Variants in SACS observed in about 807,000 individuals in gnomAD.
SACS encodes the protein sacsin.
A neutral mutation model predicts 348.0 loss-of-function variants in SACS; 197 were observed. The observed-to-expected ratio is 0.57, with a 90% CI of 0.50 to 0.64. The LOEUF (loss-of-function observed/expected upper bound fraction) is 0.64. SACS is among the 30% of genes least tolerant of loss of function. SACS has a pLI of 0.00. For synonymous variants in SACS, 1,985 were observed against 1,910.6 expected, an observed-to-expected ratio of 1.04 and a Z score of -1.02; for missense variants, 4,999 against 5,360.8, an observed-to-expected ratio of 0.93 and a Z score of 2.11.
At chr13:23,342,746 C>T (rs978494734) in intron 9 of SACS, among the ~76,000 whole-genome samples, 6 of 152,206 alleles carry the variant, frequency 3.9e-5, no homozygotes, top group African/African-American at 7.2e-5. Flanking sequence ...ATGAAGTCAG[C>T]GCACAGAGAC....
chr13:23,404,181 A>G (rs533098557), intron 2 of SACS, among the ~76,000 whole-genome samples: 47 of 152,256 alleles, frequency 3.1e-4, no homozygotes, highest in Non-Finnish European at 2.2e-4. Context: ...GGTCAATTTT[A>G]AGTGCGATGT....
chr13:23,432,307 GA>G (rs1363973233), intron 1 of SACS, among the ~76,000 whole-genome samples: 1 of 152,172 alleles, frequency 6.6e-6, no homozygotes, highest in Non-Finnish European at 1.5e-5. Flanking sequence ...AAGATTAAAG[GA>G]AAATAGGGTA....
chr13:23,361,124 T>C (rs1322871975), intron 6 of SACS, among the ~76,000 whole-genome samples: 1 of 152,100 alleles, frequency 6.6e-6, no homozygotes, highest in Non-Finnish European at 1.5e-5. Context: ...AGAGGAAACA[T>C]GGTGAAAATT....
In SACS at chr13:23,339,241, T is replaced by C; in HGVS notation, c.4635A>G (p.Leu1545=). 6.2e-7 allele frequency: 1 copy of C among 1,608,482 alleles called. No individual in the cohort carries two copies. Among genetic ancestry groups the C allele is most frequent in the African/African-American group, 1.3e-5 (1 of 74,762 alleles). ...CAACTTTGTCAACTTCTCCCCTTTT[T>C]AAAGATTCTCCTAACCTAGTTATGT... ...FVNITRLGES[L]KRGEVDKVGK... is the part of the protein sequence containing the mutation. Residue 1545 remains leucine (L), a synonymous_variant, in exon 10 of 10, where the codon TTA becomes TTG. Coordinates refer to ENST00000382292, the MANE Select transcript of SACS (RefSeq NM_014363.6).
chr13:23,386,924 C>T (rs904998664), intron 2 of SACS, among the ~76,000 whole-genome samples: 4 of 152,054 alleles, frequency 2.6e-5, no homozygotes, highest in Admixed American at 1.3e-4. Flanking sequence ...TACCGTTTAT[C>T]GATTAAGTTT....
At chr13:23,343,815 G>A (rs1321674296) in intron 9 of SACS, among the ~76,000 whole-genome samples, 3 of 152,144 alleles carry the variant, frequency 2.0e-5, no homozygotes, top group Admixed American at 6.5e-5. Context: ...AGAGGCCTAC[G>A]TATAAAAAAG....
intron 2 of SACS, among the ~76,000 whole-genome samples, chr13:23,400,699 C>T (rs1349181179): frequency 1.3e-5 from 2 of 152,174 alleles, no homozygotes; most frequent in Admixed American, 6.5e-5. Flanking sequence ...TGATTACAGG[C>T]GTGAGCCACC....
chr13:23,384,841 G>C (rs941621034), intron 2 of SACS, among the ~76,000 whole-genome samples: 2 of 152,200 alleles, frequency 1.3e-5, no homozygotes, highest in African/African-American at 4.8e-5. Context: ...TTCCAAACCA[G>C]TGCAATATAA....
At chr13:23,398,548 A>AG (rs1488530194) in intron 2 of SACS, among the ~76,000 whole-genome samples, 7 of 151,784 alleles carry the variant, frequency 4.6e-5, no homozygotes, top group Non-Finnish European at 7.4e-5. Flanking sequence ...AAAAAAAAAA[A>AG]AAAGAAATAC....
At chr13:23,406,291 ACAC>A (rs1172111185) in intron 2 of SACS, among the ~76,000 whole-genome samples, 1 of 151,932 alleles carries the variant, frequency 6.6e-6, no homozygotes, top group Non-Finnish European at 1.5e-5. Context: ...AGAAAACCAA[ACAC>A]CACATGTTCT....
Position 23,336,009 on chromosome 13 carries a change from C to T in SACS, c.7867G>A (p.Gly2623Arg). The stretch of plus-strand genomic sequence containing the variant: ...TGATACACAGAATTGAATCCTATTC[C>T]ATACTGTCCAGTTTTATAAGGATTT... ...EGNPYKTGQY[G>R]IGFNSVYHIT... Residue 2623 changes from glycine (G) to arginine (R), a missense_variant, in exon 10 of 10, where the codon GGA becomes AGA. Physicochemically the swap from Gly to Arg is moderately radical, Grantham distance 125. Coordinates refer to ENST00000382292, the MANE Select transcript of SACS (RefSeq NM_014363.6). 6.2e-7 allele frequency: 1 copy of T among 1,613,002 alleles called. No homozygotes were observed. The highest frequency in any genetic ancestry group is 8.5e-7 in the Non-Finnish European group (1 of 1,179,086).
At chr13:23,380,475 A>G (rs947843162) in intron 2 of SACS, among the ~76,000 whole-genome samples, 1 of 152,168 alleles carries the variant, frequency 6.6e-6, no homozygotes, top group Non-Finnish European at 1.5e-5. Context: ...CCACAAAATC[A>G]TTCATTTTAA....
At chr13:23,415,252 G>A (rs774720102) in intron 1 of SACS, among the ~76,000 whole-genome samples, 5 of 152,028 alleles carry the variant, frequency 3.3e-5, no homozygotes, top group Non-Finnish European at 5.9e-5. Flanking sequence ...GGCTGCTCTC[G>A]AACTTCTCAC....
intron 2 of SACS, among the ~76,000 whole-genome samples, chr13:23,398,461 G>C (rs1872802161): frequency 6.7e-6 from 1 of 149,748 alleles, no homozygotes; most frequent in African/African-American, 2.5e-5. Context: ...TTGAACCAAG[G>C]AGGCAAAGGT....
Position 23,422,885 on chromosome 13 carries a change from A to G in SACS, c.-502+10730T>C, listed in dbSNP as rs1291840865. ...TGACATTTCAGACATTGTTAGGCCTATATATGAACATATGAATATCCAGAC... is the reference window on the plus strand; with the variant it reads ...TGACATTTCAGACATTGTTAGGCCTGTATATGAACATATGAATATCCAGAC... On this transcript the variant is annotated intron_variant, in intron 1 of 9. Coordinates refer to ENST00000382292, the MANE Select transcript of SACS (RefSeq NM_014363.6). Among the ~76,000 whole-genome samples, 4 of 152,168 alleles carry G rather than the reference A, an allele frequency of 2.6e-5. No homozygotes were observed. The East Asian group carries it at 7.7e-4, about 29-fold the overall frequency.
intron 2 of SACS, among the ~76,000 whole-genome samples, chr13:23,388,330 T>C (rs1593167877): frequency 7.9e-6 from 1 of 125,946 alleles, no homozygotes; most frequent in African/African-American, 2.9e-5. Flanking sequence ...CGAGACTTTG[T>C]CTCAAAAAAA....
At chr13:23,402,175 C>T (rs1242547950) in intron 2 of SACS, among the ~76,000 whole-genome samples, 1 of 142,322 alleles carries the variant, frequency 7.0e-6, no homozygotes, top group Non-Finnish European at 1.5e-5. Flanking sequence ...GAGACTCCAT[C>T]TCGAAAAAAA....
At chr13:23,429,610 A>T (rs187836414) in intron 1 of SACS, among the ~76,000 whole-genome samples, 1,688 of 151,630 alleles carry the variant, frequency 0.011, 36 homozygotes, top group African/African-American at 0.038. Flanking sequence ...TGATCTGCCC[A>T]CCTGGCCCTC....
intron 9 of SACS, among the ~76,000 whole-genome samples, chr13:23,353,149 TC>T (rs1257850715): frequency 6.6e-6 from 1 of 152,132 alleles, no homozygotes; most frequent in East Asian, 1.9e-4. Context: ...TTGACTGTTT[TC>T]CCAAAATTAC....
Sources: allele counts gnomAD v4.1 joint callset (sites outside exome capture counted in the v4.1 genomes callset), GRCh38; gene constraint gnomAD v4.1.1; transcripts MANE v1.5; gene names NCBI Gene and HGNC (gene_info 2026-07-23, HGNC 2026-07-21).